Variants in TENM3 observed in about 807,000 individuals in gnomAD.
The protein encoded by TENM3 is teneurin-3.
A neutral mutation model predicts 255.1 loss-of-function variants in TENM3; 63 were observed. The observed-to-expected ratio is 0.25, with a 90% CI of 0.20 to 0.30. TENM3 has a LOEUF of 0.30. TENM3 is among the 10% of genes least tolerant of loss of function. The probability of loss-of-function intolerance (pLI) is 1.00; values close to 1 mark genes in which losing one functional copy is unlikely to be tolerated. For synonymous variants in TENM3, 1,306 were observed against 1,322.3 expected (o/e 0.99, Z 0.27); for missense variants, 2,929 against 3,461.1 (o/e 0.85, Z 3.86).
the TENM3 span, among the ~76,000 whole-genome samples, chr4:182,097,087 G>C: frequency 6.6e-6 from 1 of 152,266 alleles, no homozygotes; most frequent in East Asian, 1.9e-4. Context: ...TTGGGACAGG[G>C]CTATGCAGGG....
chr4:181,455,060 C>A, the TENM3 span, among the ~76,000 whole-genome samples: 1 of 151,976 alleles, frequency 6.6e-6, no homozygotes, highest in Non-Finnish European at 1.5e-5. Context: ...AATCTTGTAT[C>A]CCCCTCACCT....
the TENM3 span, among the ~76,000 whole-genome samples, chr4:181,929,044 C>G: frequency 7.2e-5 from 11 of 151,932 alleles, no homozygotes; most frequent in African/African-American, 2.7e-4. Context: ...AAATATGGAA[C>G]GAAAAACCGG....
At chr4:181,453,282 T>C in the TENM3 span, among the ~76,000 whole-genome samples, 2 of 152,082 alleles carry the variant, frequency 1.3e-5, no homozygotes, top group Non-Finnish European at 2.9e-5. Context: ...AATAATAGGC[T>C]TAGTGAGAAT....
At chr4:182,429,004 A>C (rs1429886941) in intron 3 of TENM3, among the ~76,000 whole-genome samples, 1 of 152,188 alleles carries the variant, frequency 6.6e-6, no homozygotes, top group Non-Finnish European at 1.5e-5. Flanking sequence ...GTTAGGAAAT[A>C]TCTTTGTTTG....
At chr4:181,961,581 G>A in the TENM3 span, among the ~76,000 whole-genome samples, 3 of 151,874 alleles carry the variant, frequency 2.0e-5, no homozygotes, top group South Asian at 2.1e-4. Context: ...CACCACGTCC[G>A]GCTAATTTTT....
rs1378741124 is a variant in TENM3, at chr4:182,381,682, C to T, written c.511+34753C>T. ...GTTCAAGTGATTCTCCTGCCTCAGC[C>T]TCCCAAGTAGCTGGGATTACGGGCC... On this transcript the variant is annotated intron_variant, in intron 3 of 27. Transcript: ENST00000511685. Among the ~76,000 whole-genome samples, 3 of 152,214 alleles carry T rather than the reference C, an allele frequency of 2.0e-5. No homozygotes were observed. In the East Asian group the frequency reaches 5.8e-4, roughly 30 times the overall value.
chr4:181,818,469 C>G, the TENM3 span, among the ~76,000 whole-genome samples: 1 of 152,146 alleles, frequency 6.6e-6, no homozygotes, highest in Non-Finnish European at 1.5e-5. Flanking sequence ...CTTCACCAAT[C>G]TACATTGCCA....
At chr4:182,201,290 C>T (rs927972362) in intron 1 of TENM3, among the ~76,000 whole-genome samples, 1 of 151,672 alleles carries the variant, frequency 6.6e-6, no homozygotes. Context: ...CTTTTTTTGT[C>T]GGGGACAGTC....
the TENM3 span, among the ~76,000 whole-genome samples, chr4:181,974,339 G>T: frequency 1.3e-5 from 2 of 152,144 alleles, no homozygotes; most frequent in African/African-American, 4.8e-5. Flanking sequence ...ATGCCAAGGC[G>T]GGTGGATCAT....
At chr4:182,352,102 C>G (rs911113301) in intron 3 of TENM3, among the ~76,000 whole-genome samples, 4 of 151,914 alleles carry the variant, frequency 2.6e-5, no homozygotes, top group Non-Finnish European at 5.9e-5. Flanking sequence ...CCTCCCCTCC[C>G]CCACTCCTCC....
chr4:182,560,586 G>C (rs1743062720), intron 3 of TENM3, among the ~76,000 whole-genome samples: 1 of 152,158 alleles, frequency 6.6e-6, no homozygotes, highest in Non-Finnish European at 1.5e-5. Context: ...AATGCCCTCA[G>C]TGGGTGGTCA....
chr4:182,347,005 T>G, intron 3 of TENM3, 76 bp downstream of exon 3: 2 of 1,076,804 alleles, frequency 1.9e-6, no homozygotes, highest in Non-Finnish European at 2.6e-6. Context: ...CGGGGGGGGA[T>G]GTTTTTCTTT....
chr4:181,769,046 G>C, the TENM3 span, among the ~76,000 whole-genome samples: 1 of 152,052 alleles, frequency 6.6e-6, no homozygotes, highest in South Asian at 2.1e-4. Context: ...GCGCTTATCT[G>C]AGCTTTTTGA....
chr4:181,950,877 C>T, the TENM3 span, among the ~76,000 whole-genome samples: 4 of 151,996 alleles, frequency 2.6e-5, no homozygotes, highest in African/African-American at 9.6e-5. Context: ...CCTGTCTCTA[C>T]AAAAAATAAA....
chr4:182,537,661 G>A (rs930398740), intron 3 of TENM3, among the ~76,000 whole-genome samples: 1 of 152,066 alleles, frequency 6.6e-6, no homozygotes, highest in East Asian at 1.9e-4. Context: ...CTATGACACC[G>A]TCTGCATAAT....
At chr4:182,449,227 C>CTCCGCTTCGCTCCGGAGCCGGT (rs1394857912) in intron 3 of TENM3, 30 of 20,874 alleles carry the variant, frequency 1.4e-3, no homozygotes, top group East Asian at 3.3e-3. Flanking sequence ...GCGGCGGCGG[C>CTCCGCTTCGCTCCGGAGCCGGT]GGCTCCGCTC....
the TENM3 span, among the ~76,000 whole-genome samples, chr4:181,822,975 TA>T: frequency 6.6e-6 from 1 of 152,066 alleles, no homozygotes; most frequent in East Asian, 1.9e-4. Context: ...GCAATGAGAA[TA>T]CGATCTAAAA....
the TENM3 span, among the ~76,000 whole-genome samples, chr4:181,972,409 C>T: frequency 1.2e-4 from 17 of 138,440 alleles, no homozygotes; most frequent in Admixed American, 4.6e-4. Context: ...CACTCCAACC[C>T]GGATGACAGA....
Position 182,730,791 on chromosome 4 carries a change from T to C in TENM3, c.2706-87T>C, listed in dbSNP as rs771155233. 100 of 1,412,410 alleles carry C rather than the reference T, an allele frequency of 7.1e-5. 1 individual carries two copies. The highest frequency in any genetic ancestry group is 9.2e-5 in the Non-Finnish European group (96 of 1,043,954). 87.5% of individuals were successfully genotyped at this position (1,412,410 alleles called of 1,614,324 possible). ...AGTTGGGAGAAAAAGTTGATTTTCT[T>C]TATAAAGCATATTAACTTAAGGAGG... On this transcript the variant is annotated intron_variant, in intron 15 of 27. Transcript: ENST00000511685.
Sources: gnomAD v4.1 joint callset for allele counts (sites outside exome capture counted in the v4.1 genomes callset) on GRCh38, gnomAD v4.1.1 for gene constraint, MANE v1.5 for transcripts, NCBI Gene and HGNC (gene_info 2026-07-23, HGNC 2026-07-21) for gene names.